The following C1orf87 variants were observed in gnomAD, a reference collection of about 807,000 sequenced individuals.
C1orf87 encodes the protein chromosome 1 open reading frame 87, also known as uncharacterized protein C1orf87.
Under a neutral mutation model 60.5 loss-of-function variants are expected in C1orf87, and 58 were observed. That is an observed-to-expected ratio of 0.96 (90% CI 0.78 to 1.19). The LOEUF (loss-of-function observed/expected upper bound fraction) is 1.19. Ranked by LOEUF, C1orf87 falls within the 50% of genes most tolerant of loss-of-function variation. The pLI is 0.00. For synonymous variants in C1orf87, 236 were observed against 227.4 expected, an observed-to-expected ratio of 1.04 and a Z score of -0.34; for missense variants, 673 against 638.6, an observed-to-expected ratio of 1.05 and a Z score of -0.58.
chr1:60,049,994 T>G (rs1645402190), intron 3 of C1orf87, among the ~76,000 whole-genome samples: 1 of 152,114 alleles, frequency 6.6e-6, no homozygotes. Context: ...ACCACACTAT[T>G]TTAAATATAG....
At chr1:60,026,274 T>C (rs992852662) in intron 7 of C1orf87, among the ~76,000 whole-genome samples, 13 of 152,226 alleles carry the variant, frequency 8.5e-5, no homozygotes, top group African/African-American at 2.9e-4. Flanking sequence ...CTGTGATCTC[T>C]CTGATCTTGG....
chr1:59,991,767 C>A (rs1644925211), intron 11 of C1orf87, among the ~76,000 whole-genome samples: 1 of 152,114 alleles, frequency 6.6e-6, no homozygotes. Flanking sequence ...ATGCCAATAC[C>A]AATGTCAGTA....
chr1:60,005,402 A>G (rs1194657748), intron 9 of C1orf87, among the ~76,000 whole-genome samples: 1 of 151,962 alleles, frequency 6.6e-6, no homozygotes, highest in Non-Finnish European at 1.5e-5. Context: ...AAAGAGATGC[A>G]TCAAAGAATG....
intron 3 of C1orf87, among the ~76,000 whole-genome samples, chr1:60,051,223 C>G (rs553122773): frequency 1.8e-4 from 28 of 152,114 alleles, no homozygotes; most frequent in African/African-American, 6.7e-4. Context: ...AATTTTATAC[C>G]AGGGAATTGG....
At chr1:60,002,217 G>A (rs1645011100) in intron 9 of C1orf87, among the ~76,000 whole-genome samples, 1 of 152,088 alleles carries the variant, frequency 6.6e-6, no homozygotes, top group African/African-American at 2.4e-5. Context: ...GTGGTTGAGA[G>A]TATAATCTCT....
intron 2 of C1orf87, among the ~76,000 whole-genome samples, chr1:60,063,624 T>C (rs1053800649): frequency 1.3e-5 from 2 of 152,166 alleles, no homozygotes; most frequent in African/African-American, 4.8e-5. Flanking sequence ...TTCTTAAGCA[T>C]ACCAAGAGGC....
chr1:60,030,898 A>T (rs912419444), intron 7 of C1orf87, among the ~76,000 whole-genome samples: 1 of 152,380 alleles, frequency 6.6e-6, no homozygotes, highest in Admixed American at 6.5e-5. Flanking sequence ...GTGGATGGTC[A>T]GATTCCATTG....
chr1:60,029,969 C>T (rs558572421), intron 7 of C1orf87, among the ~76,000 whole-genome samples: 1 of 152,090 alleles, frequency 6.6e-6, no homozygotes, highest in African/African-American at 2.4e-5. Flanking sequence ...GCCAAACTTG[C>T]CTGTCCTCTA....
intron 7 of C1orf87, among the ~76,000 whole-genome samples, chr1:60,027,979 T>G (rs1241166563): frequency 6.6e-6 from 1 of 152,186 alleles, no homozygotes; most frequent in Non-Finnish European, 1.5e-5. Flanking sequence ...TTGGGTATCA[T>G]TCATTTTCTT....
At chr1:60,042,230 T>TTTTA (rs1208656972) in intron 3 of C1orf87, among the ~76,000 whole-genome samples, 1 of 152,152 alleles carries the variant, frequency 6.6e-6, no homozygotes. Flanking sequence ...ATTTTATTTA[T>TTTTA]TTTATTTATT....
intron 3 of C1orf87, among the ~76,000 whole-genome samples, chr1:60,041,792 T>G (rs957600839): frequency 6.6e-6 from 1 of 152,166 alleles, no homozygotes; most frequent in African/African-American, 2.4e-5. Flanking sequence ...TGCTAATACA[T>G]CTTTCATATG....
intron 11 of C1orf87, among the ~76,000 whole-genome samples, chr1:59,995,989 C>T (rs1644960755): frequency 6.6e-6 from 1 of 152,182 alleles, no homozygotes; most frequent in African/African-American, 2.4e-5. Context: ...TAACACAGTT[C>T]TAGGCTCATA....
intron 4 of C1orf87, among the ~76,000 whole-genome samples, chr1:60,040,730 T>C (rs1346338591): frequency 6.6e-6 from 1 of 151,902 alleles, no homozygotes; most frequent in Non-Finnish European, 1.5e-5. Context: ...CTGGTGTCCA[T>C]TTGTCTATTC....
chr1:60,066,660 C>T (rs1278067617), intron 2 of C1orf87, among the ~76,000 whole-genome samples: 1 of 151,958 alleles, frequency 6.6e-6, no homozygotes, highest in African/African-American at 2.4e-5. Context: ...ATTTTGACAT[C>T]CTCCCATGAA....
At chr1:60,029,247 G>C (rs1190073181) in intron 7 of C1orf87, among the ~76,000 whole-genome samples, 1 of 152,014 alleles carries the variant, frequency 6.6e-6, no homozygotes, top group Non-Finnish European at 1.5e-5. Context: ...CTACCTCCTT[G>C]ATGTCTCCAT....
chr1:60,047,387 T>A (rs1210317434), intron 3 of C1orf87, among the ~76,000 whole-genome samples: 1 of 152,194 alleles, frequency 6.6e-6, no homozygotes, highest in Non-Finnish European at 1.5e-5. Flanking sequence ...CCAAATTATG[T>A]CGCTTTCAAC....
intron 3 of C1orf87, 80 bp downstream of exon 3, chr1:60,055,124 G>T: frequency 1.6e-6 from 2 of 1,233,608 alleles, no homozygotes; most frequent in Non-Finnish European, 1.2e-6. Flanking sequence ...TGTACAGTGT[G>T]TTTTTGTGTG....
chr1:60,012,824 A>G (rs934803164), intron 8 of C1orf87, among the ~76,000 whole-genome samples: 1 of 152,166 alleles, frequency 6.6e-6, no homozygotes, highest in Admixed American at 6.6e-5. Flanking sequence ...GTCCAAAGGC[A>G]CATGGATCAA....
intron 8 of C1orf87, among the ~76,000 whole-genome samples, chr1:60,010,658 T>C (rs1176431018): frequency 6.6e-6 from 1 of 151,988 alleles, no homozygotes; most frequent in African/African-American, 2.4e-5. Context: ...TGCAAAGCCA[T>C]TAGAACAGAA....
Sources: gnomAD v4.1 joint callset for allele counts (sites outside exome capture counted in the v4.1 genomes callset) on GRCh38, gnomAD v4.1.1 for gene constraint, MANE v1.5 for transcripts, NCBI Gene and HGNC (gene_info 2026-07-23, HGNC 2026-07-21) for gene names.